The following ANO3 variants were observed in gnomAD, a reference collection of about 807,000 sequenced individuals.
ANO3 encodes the protein anoctamin-3.
ANO3 carries 99 observed loss-of-function variants against 144.8 expected under a neutral mutation model. The observed-to-expected ratio is 0.68, with a 90% CI of 0.58 to 0.81. ANO3 has a LOEUF of 0.81. ANO3 is among the 30% of genes least tolerant of loss of function. The pLI is 0.00. For missense variants in ANO3, 905 were observed against 1,202.2 expected (o/e 0.75, Z 3.66); for synonymous variants, 414 against 392.6 (o/e 1.05, Z -0.64).
At chr11:26,423,631 A>C (rs184475818) in intron 1 of ANO3, among the ~76,000 whole-genome samples, 7 of 152,190 alleles carry the variant, frequency 4.6e-5, no homozygotes, top group Admixed American at 2.0e-4. Flanking sequence ...TGTGCCAAGC[A>C]CAACGTGTTC....
At chr11:26,428,681 A>G (rs930561405) in intron 1 of ANO3, among the ~76,000 whole-genome samples, 3 of 152,080 alleles carry the variant, frequency 2.0e-5, no homozygotes, top group Admixed American at 6.6e-5. Flanking sequence ...AAGATGATCA[A>G]TCTAAGACAA....
chr11:26,404,933 A>ATGTGTGTGTGTGTGTGTG (rs56103536), intron 1 of ANO3, among the ~76,000 whole-genome samples: 10 of 146,172 alleles, frequency 6.8e-5, no homozygotes, highest in Admixed American at 6.1e-4. Flanking sequence ...ATTTATATAT[A>ATGTGTGTGTGTGTGTGTG]TGTGTGTGTG....
At chr11:26,552,425 A>G (rs1187907511) in intron 12 of ANO3, among the ~76,000 whole-genome samples, 1 of 152,096 alleles carries the variant, frequency 6.6e-6, no homozygotes, top group Non-Finnish European at 1.5e-5. Flanking sequence ...AAGCCTTTAA[A>G]TTCCTTTCAA....
At chr11:26,322,946 G>A (rs1436983444) in intron 1 of ANO3, among the ~76,000 whole-genome samples, 3 of 152,002 alleles carry the variant, frequency 2.0e-5, no homozygotes, top group African/African-American at 7.2e-5. Flanking sequence ...AATTACTTAT[G>A]TCATCATGGA....
chr11:26,266,032 A>G (rs1446790884), intron 1 of ANO3, among the ~76,000 whole-genome samples: 1 of 152,234 alleles, frequency 6.6e-6, no homozygotes, highest in Non-Finnish European at 1.5e-5. Flanking sequence ...TAAGGAAAAT[A>G]TATTTCAAAT....
At chr11:26,590,158 G>C (rs1386360096) in intron 14 of ANO3, among the ~76,000 whole-genome samples, 2 of 152,160 alleles carry the variant, frequency 1.3e-5, no homozygotes, top group Admixed American at 6.5e-5. Flanking sequence ...AACAAACCCA[G>C]ATGTCTGCTT....
At chr11:26,547,835 G>A (rs1218445324) in intron 12 of ANO3, among the ~76,000 whole-genome samples, 2 of 151,836 alleles carry the variant, frequency 1.3e-5, no homozygotes, top group African/African-American at 4.8e-5. Flanking sequence ...TGATAGCTTT[G>A]TGTGATTTAC....
intron 1 of ANO3, among the ~76,000 whole-genome samples, chr11:26,321,982 T>A (rs1382779597): frequency 1.3e-5 from 2 of 152,050 alleles, no homozygotes; most frequent in Non-Finnish European, 2.9e-5. Flanking sequence ...GTGTTCATGG[T>A]TCCATTCCTC....
intron 14 of ANO3, among the ~76,000 whole-genome samples, chr11:26,588,334 A>AT (rs1554974263): frequency 3.9e-5 from 6 of 152,130 alleles, no homozygotes; most frequent in South Asian, 2.1e-4. Context: ...TTTTCTGTAT[A>AT]CCTTTTTCTA....
intron 4 of ANO3, among the ~76,000 whole-genome samples, chr11:26,495,687 A>G (rs1198529703): frequency 6.6e-6 from 1 of 152,184 alleles, no homozygotes; most frequent in Non-Finnish European, 1.5e-5. Context: ...AGAGGAAAGG[A>G]AAGGAGAACA....
At chr11:26,390,125 A>G (rs1042641325) in intron 1 of ANO3, among the ~76,000 whole-genome samples, 4 of 152,148 alleles carry the variant, frequency 2.6e-5, no homozygotes, top group African/African-American at 9.7e-5. Context: ...TAGAGTTTTT[A>G]GAAAGTGATT....
chr11:26,240,720 A>C (rs1852645384), intron 1 of ANO3, among the ~76,000 whole-genome samples: 1 of 152,214 alleles, frequency 6.6e-6, no homozygotes, highest in Non-Finnish European at 1.5e-5. Context: ...ACCTAAACTT[A>C]ATATGTGATA....
chr11:26,494,825 A>G (rs983889635), intron 4 of ANO3, among the ~76,000 whole-genome samples: 1 of 152,108 alleles, frequency 6.6e-6, no homozygotes, highest in Non-Finnish European at 1.5e-5. Flanking sequence ...GAGATCTATG[A>G]AGTCCCTGAA....
chr11:26,660,460 CA>C lies in ANO3; in HGVS notation c.*17del. ...ATGGCCTTAGTTGACACCTGTTACC[CA>C]TTAGGGGTGATAACATTAATGGGAA... On this transcript the variant is annotated 3_prime_UTR_variant, in exon 27 of 27. Coordinates refer to ENST00000256737, the MANE Select transcript of ANO3 (RefSeq NM_031418.4). The C allele has an allele frequency of 6.3e-7, 1 of 1,585,844 alleles. No individual in the cohort carries two copies. Among genetic ancestry groups the C allele is most frequent in the Non-Finnish European group, 8.6e-7 (1 of 1,168,532 alleles).
chr11:26,288,104 C>T (rs1853850522), intron 1 of ANO3: 1 of 152,798 alleles, frequency 6.5e-6, no homozygotes, highest in Non-Finnish European at 1.5e-5. Context: ...CATAATAACA[C>T]TCCTTCCTCT....
chr11:26,348,038 A>G (rs1855540092), intron 1 of ANO3, among the ~76,000 whole-genome samples: 1 of 152,036 alleles, frequency 6.6e-6, no homozygotes, highest in Non-Finnish European at 1.5e-5. Context: ...ACCTCAAAAA[A>G]TTTCACTCAT....
chr11:26,344,656 C>T (rs1278879626), intron 1 of ANO3, among the ~76,000 whole-genome samples: 3 of 152,096 alleles, frequency 2.0e-5, no homozygotes, highest in East Asian at 1.9e-4. Context: ...TGAGCCACCC[C>T]GCCCCACCAA....
chr11:26,440,785 G>A (rs934483512), intron 1 of ANO3, among the ~76,000 whole-genome samples: 8 of 152,128 alleles, frequency 5.3e-5, no homozygotes, highest in African/African-American at 1.9e-4. Context: ...TGGATTTTCT[G>A]ATGTTTTATG....
chr11:26,262,006 G>A (rs1853201227), intron 1 of ANO3, among the ~76,000 whole-genome samples: 1 of 152,134 alleles, frequency 6.6e-6, no homozygotes, highest in Non-Finnish European at 1.5e-5. Context: ...ATGTTCAAAT[G>A]TAAGGGCCAG....
Sources: allele counts gnomAD v4.1 joint callset (sites outside exome capture counted in the v4.1 genomes callset), GRCh38; gene constraint gnomAD v4.1.1; transcripts MANE v1.5; gene names NCBI Gene and HGNC (gene_info 2026-07-23, HGNC 2026-07-21).